The following CDC27 variants were observed in gnomAD, a reference collection of about 807,000 sequenced individuals.
CDC27 encodes the protein cell division cycle protein 27 homolog.
Under a neutral mutation model 109.7 loss-of-function variants are expected in CDC27, and 27 were observed. That is an observed-to-expected ratio of 0.25 (90% CI 0.18 to 0.34). The LOEUF (loss-of-function observed/expected upper bound fraction) is 0.34, where lower values mean the gene tolerates loss of function less well. CDC27 is among the 10% of genes least tolerant of loss of function. CDC27 has a pLI of 1.00. For synonymous variants in CDC27, 266 were observed against 333.9 expected, an observed-to-expected ratio of 0.80 and a Z score of 2.22; for missense variants, 579 against 960.2, an observed-to-expected ratio of 0.60 and a Z score of 5.25.
chr17:47,118,777 C>T lies in CDC27; in HGVS notation c.*2158G>A, dbSNP rs759652195. 1.5e-4 allele frequency: 23 copies of T among 152,484 alleles called. No homozygotes were observed. The highest frequency in any genetic ancestry group is 9.2e-4 in the Admixed American group (14 of 15,278). 9.4% of individuals were successfully genotyped at this position (152,484 alleles called of 1,614,324 possible). On this transcript the variant is annotated 3_prime_UTR_variant, in exon 19 of 19. Transcript: ENST00000066544. ...CTGCAAAAGCCAGAAAGTGTTACTA[C>T]GTGGGAAATAAGGCTTCAAATACCT... is the stretch of plus-strand genomic sequence containing the variant.
intron 4 of CDC27, among the ~76,000 whole-genome samples, chr17:47,160,741 A>C (rs760675537): frequency 5.3e-5 from 8 of 152,228 alleles, no homozygotes; most frequent in Admixed American, 5.2e-4. Flanking sequence ...AACTGAAACT[A>C]TCAGGTAAAA....
intron 14 of CDC27, among the ~76,000 whole-genome samples, chr17:47,133,260 C>T (rs1345156773): frequency 3.4e-5 from 5 of 145,106 alleles, no homozygotes; most frequent in African/African-American, 1.0e-4. Flanking sequence ...GCCTCAGCCT[C>T]CCGAGTAGCT....
chr17:47,179,837 T>G (rs1376261263), intron 2 of CDC27, among the ~76,000 whole-genome samples: 1 of 152,232 alleles, frequency 6.6e-6, no homozygotes, highest in African/African-American at 2.4e-5. Context: ...CTGGGAATCT[T>G]GCCACCAATT....
At chr17:47,141,806 T>C (rs2062800515) in intron 12 of CDC27, 47 bp downstream of exon 12, 6 of 1,174,618 alleles carry the variant, frequency 5.1e-6, no homozygotes, top group Admixed American at 2.6e-5. Flanking sequence ...TTTAATGAAA[T>C]TGAAATTATC....
At chr17:47,154,514 A>C (rs1193285227) in intron 8 of CDC27, among the ~76,000 whole-genome samples, 158 bp downstream of exon 8, 1 of 152,228 alleles carries the variant, frequency 6.6e-6, no homozygotes, top group African/African-American at 2.4e-5. Context: ...AACAATAATG[A>C]CATTCTTTTA....
Position 47,150,956 on chromosome 17 carries a change from C to T in CDC27, c.1070+850G>A, listed in dbSNP as rs11570509. 4.2e-3 allele frequency among the ~76,000 whole-genome samples: 638 copies of T among 151,852 alleles called. 7 individuals carry two copies. Among genetic ancestry groups the T allele is most frequent in the African/African-American group, 0.015 (607 of 41,386 alleles). The stretch of plus-strand genomic sequence containing the variant: ...CTGAGGCAGGAGAATCACTTGAACC[C>T]GGGAGGCGGAGGTTGTGGTGGGCCG... On this transcript the variant is annotated intron_variant, in intron 9 of 18. Coordinates refer to ENST00000066544, the MANE Select transcript of CDC27 (RefSeq NM_001256.6).
intron 12 of CDC27, among the ~76,000 whole-genome samples, chr17:47,141,088 G>C (rs893502281): frequency 6.6e-6 from 1 of 152,150 alleles, no homozygotes; most frequent in African/African-American, 2.4e-5. Context: ...GAAATTGTCT[G>C]ACTAGCTGTA....
chr17:47,121,969 C>T (rs1377943384), intron 18 of CDC27, among the ~76,000 whole-genome samples: 6 of 151,946 alleles, frequency 3.9e-5, no homozygotes, highest in African/African-American at 1.5e-4. Context: ...ATCTCCTGAC[C>T]TCAGGTGATC....
rs146997390 is a variant in CDC27, at chr17:47,138,802, T to C, written c.1641A>G (p.Gln547=). The change falls in exon 13 of 19, where the codon CAA becomes CAG. Residue 547 remains glutamine, a synonymous_variant. Coordinates refer to ENST00000066544, the MANE Select transcript of CDC27 (RefSeq NM_001256.6). Reference sequence around the variant, plus strand: ...ACAGAACTGAAAGAGCAACATCTTTTTGAAGATGCCAAAGTGTTGTAGAGT... The same window carrying C: ...ACAGAACTGAAAGAGCAACATCTTTCTGAAGATGCCAAAGTGTTGTAGAGT... ...EIYSTTLWHL[Q]KDVALSVLSK... 4 of 1,611,050 alleles carry C rather than the reference T, an allele frequency of 2.5e-6. No individual in the cohort carries two copies. Among genetic ancestry groups the C allele is most frequent in the South Asian group, 2.2e-5 (2 of 90,986 alleles).
chr17:47,175,091 AAGGAAGT>A (rs2063955016), intron 2 of CDC27, among the ~76,000 whole-genome samples: 1 of 78,376 alleles, frequency 1.3e-5, no homozygotes, highest in Non-Finnish European at 2.6e-5. Flanking sequence ...GGAAGGAAGG[AAGGAAGT>A]AAGTTGTAGC....
chr17:47,188,011 A>G (rs1426011813), intron 1 of CDC27, among the ~76,000 whole-genome samples: 3 of 152,266 alleles, frequency 2.0e-5, no homozygotes, highest in South Asian at 2.1e-4. Context: ...ACAGCTGGAG[A>G]AAAAAACCAA....
In CDC27 at chr17:47,140,680, AT is replaced by A. The variant is rs11570531; in HGVS notation, c.1551+1172del. 8.6e-3 allele frequency among the ~76,000 whole-genome samples: 1,316 copies of A among 152,232 alleles called. 22 individuals are homozygous for A. Among genetic ancestry groups the A allele is most frequent in the African/African-American group, 0.031 (1,279 of 41,554 alleles). On this transcript the variant is annotated intron_variant, in intron 12 of 18. Coordinates refer to ENST00000066544, the MANE Select transcript of CDC27 (RefSeq NM_001256.6). Reference sequence around the variant, plus strand: ...GCTGTGAAACAATAAATTAGAAATAATTTTTTAAATGGCTTTTCCGAACACA... The same window carrying A: ...GCTGTGAAACAATAAATTAGAAATAATTTTTAAATGGCTTTTCCGAACACA...
At chr17:47,157,620 AC>A (rs2063357850) in intron 5 of CDC27, among the ~76,000 whole-genome samples, 1 of 152,210 alleles carries the variant, frequency 6.6e-6, no homozygotes, top group Non-Finnish European at 1.5e-5. Context: ...CTAATTTTAA[AC>A]ATAACAAATC....
At chr17:47,188,701 C>G (rs1040409414) in intron 1 of CDC27, 2 of 981,694 alleles carry the variant, frequency 2.0e-6, no homozygotes, top group Admixed American at 1.1e-4. Context: ...CCTCCACCCT[C>G]TCATACAAGA....
chr17:47,163,920 C>T (rs1349571429), intron 4 of CDC27, among the ~76,000 whole-genome samples: 2 of 152,126 alleles, frequency 1.3e-5, no homozygotes, highest in African/African-American at 2.4e-5. Flanking sequence ...CGTGTCACCA[C>T]GCCCAGCTGA....
chr17:47,160,775 C>T (rs1036918770), intron 4 of CDC27, among the ~76,000 whole-genome samples: 14 of 152,158 alleles, frequency 9.2e-5, no homozygotes, highest in East Asian at 1.9e-4. Flanking sequence ...TGTTTATGTG[C>T]GGAATGTCAG....
intron 4 of CDC27, among the ~76,000 whole-genome samples, chr17:47,158,939 A>G (rs1389966930): frequency 1.3e-5 from 2 of 151,770 alleles, no homozygotes; most frequent in Non-Finnish European, 2.9e-5. Context: ...TTTCGTCGAG[A>G]TGGGGTTTTG....
At chr17:47,124,039 C>A in intron 16 of CDC27, 79 bp from the exon 17 acceptor site, 1 of 826,296 alleles carries the variant, frequency 1.2e-6, no homozygotes, top group Non-Finnish European at 1.9e-6. Flanking sequence ...ATTTGATTTC[C>A]CAAATCATCT....
At chr17:47,152,144 T>A (rs995496328) in intron 8 of CDC27, among the ~76,000 whole-genome samples, 6 of 152,218 alleles carry the variant, frequency 3.9e-5, no homozygotes, top group African/African-American at 1.4e-4. Context: ...CTATAATGTC[T>A]TTTCATCTTT....
Sources: gnomAD v4.1 joint callset for allele counts (sites outside exome capture counted in the v4.1 genomes callset) on GRCh38, gnomAD v4.1.1 for gene constraint, MANE v1.5 for transcripts, NCBI Gene and HGNC (gene_info 2026-07-23, HGNC 2026-07-21) for gene names.